The following TCHP variants were observed in gnomAD, a reference collection of about 807,000 sequenced individuals.
TCHP encodes trichoplein keratin filament-binding protein.
In TCHP, 81 loss-of-function variants were observed where a neutral mutation model predicts 88.7. The observed-to-expected ratio is 0.91, with a 90% CI of 0.76 to 1.10. The LOEUF is 1.10. Ranked by LOEUF, TCHP falls within the 50% of genes least tolerant of loss-of-function variation. The pLI, the probability that TCHP is intolerant of heterozygous loss-of-function variation, is 0.00. For missense variants in TCHP, 641 were observed against 632.1 expected (o/e 1.01, Z -0.15); for synonymous variants, 232 against 232.5 (o/e 1.00, Z 0.02).
the TCHP span, among the ~76,000 whole-genome samples, chr12:109,893,072 C>A: frequency 6.6e-6 from 1 of 152,108 alleles, no homozygotes; most frequent in Admixed American, 6.6e-5. Flanking sequence ...CAAGCTGGAA[C>A]CTGTGGTCTT....
intron 8 of TCHP, 123 bp from the exon 9 acceptor site, chr12:109,910,940 G>C: frequency 2.2e-6 from 3 of 1,357,240 alleles, no homozygotes; most frequent in Non-Finnish European, 2.9e-6. Context: ...TCTGTCTTGA[G>C]AACACTGTGT....
chr12:109,904,803 A>G lies in TCHP; in HGVS notation c.456+10A>G, dbSNP rs769421994. 2 of 1,611,372 alleles carry G rather than the reference A, an allele frequency of 1.2e-6. No homozygotes were observed. Among genetic ancestry groups the G allele is most frequent in the Admixed American group, 1.7e-5 (1 of 59,546 alleles). ...CCCGAAACTTCGAGAGGTGAAAATC[A>G]GAGATCTCCATTGATTTATCTAAGT... On this transcript the variant is annotated intron_variant, in intron 4 of 12. Coordinates refer to ENST00000405876, the MANE Select transcript of TCHP (RefSeq NM_001143852.2).
chr12:109,891,741 G>A, the TCHP span, among the ~76,000 whole-genome samples: 1 of 150,652 alleles, frequency 6.6e-6, no homozygotes. Flanking sequence ...TTTTGCTCTT[G>A]TCGCCCAGGC....
intron 5 of TCHP, 55 bp from the exon 6 acceptor site, chr12:109,907,471 G>GT: frequency 6.4e-7 from 1 of 1,569,766 alleles, no homozygotes; most frequent in Admixed American, 1.8e-5. Flanking sequence ...AGGAAGCTAG[G>GT]TTTTTGTTGG....
chr12:109,908,734 G>A (rs766921257), intron 7 of TCHP, 36 bp downstream of exon 7: 32 of 1,565,672 alleles, frequency 2.0e-5, no homozygotes, highest in East Asian at 4.5e-5. Flanking sequence ...CTTCCCAGGC[G>A]GGTGGGCCTC....
chr12:109,900,215 A>G (rs929500874), upstream of TCHP: 2 of 152,252 alleles, frequency 1.3e-5, no homozygotes, highest in Non-Finnish European at 2.9e-5. Context: ...ACGACGGGGC[A>G]CCAGAGAAAA....
At chr12:109,889,771 C>T in the TCHP span, among the ~76,000 whole-genome samples, 1 of 152,184 alleles carries the variant, frequency 6.6e-6, no homozygotes, top group African/African-American at 2.4e-5. Flanking sequence ...GTTATTTCTA[C>T]CCAGGACTGG....
chr12:109,900,478 CAGGCGGCCCGCGCGG>C (rs1353538462), intron 1 of TCHP, 52 bp downstream of exon 1: 1 of 152,258 alleles, frequency 6.6e-6, no homozygotes, highest in Non-Finnish European at 1.5e-5. Flanking sequence ...CGGGGGCCCG[CAGGCGGCCCGCGCGG>C]GCGGGAACCG....
upstream of TCHP, among the ~76,000 whole-genome samples, chr12:109,896,271 T>C (rs1038421981): frequency 6.6e-6 from 1 of 152,216 alleles, no homozygotes; most frequent in African/African-American, 2.4e-5. Flanking sequence ...AGAGCTACAC[T>C]TGCAAGCCAC....
chr12:109,912,317 T>C (rs1298734174), intron 9 of TCHP, among the ~76,000 whole-genome samples: 1 of 152,024 alleles, frequency 6.6e-6, no homozygotes, highest in Non-Finnish European at 1.5e-5. Flanking sequence ...CTTGAAGAGG[T>C]CACTCCGTCC....
In TCHP at chr12:109,906,888, G is replaced by A. The variant is rs570818438; in HGVS notation, c.525+248G>A. ...CTGGGAGGTGGCACATACAGCACGC[G>A]TCTTCTTTTTTTCTTTTGGAGGCAG... On this transcript the variant is annotated intron_variant, in intron 5 of 12. Transcript: ENST00000405876. Among the ~76,000 whole-genome samples, 5 of 152,200 alleles carry A rather than the reference G, an allele frequency of 3.3e-5. No homozygotes were observed. In the South Asian group the frequency reaches 6.2e-4, roughly 19 times the overall value.
chr12:109,883,842 C>T, the TCHP span, among the ~76,000 whole-genome samples: 2 of 152,204 alleles, frequency 1.3e-5, no homozygotes, highest in African/African-American at 2.4e-5. Flanking sequence ...CTTGAAAGTT[C>T]ATCCATCCAT....
At position 109,917,746 on chromosome 12, in the gene TCHP, C is replaced by G. The variant is rs1870894500; in HGVS notation, c.*1123C>G. On this transcript the variant is annotated 3_prime_UTR_variant, in exon 13 of 13. Coordinates refer to ENST00000405876, the MANE Select transcript of TCHP (RefSeq NM_001143852.2). ...TTATGACTTGTATTTTTACTATACC[C>G]TTCCTCTGAGGTTTAGTTTTCATCA... 6.6e-6 allele frequency: 1 copy of G among 152,612 alleles called. No individual in the cohort carries two copies. The highest frequency in any genetic ancestry group is 1.5e-5 in the Non-Finnish European group (1 of 68,042). 9.5% of individuals were successfully genotyped at this position (152,612 alleles called of 1,614,324 possible).
rs747480930 is a variant in TCHP, at chr12:109,903,886, G to A, written c.189-51G>A. Reference sequence around the variant, plus strand: ...TTACCGACACAGCAGAGCAGAGCACGTTCCCTGTGGCTGTAGCATGATTGA... The same window carrying A: ...TTACCGACACAGCAGAGCAGAGCACATTCCCTGTGGCTGTAGCATGATTGA... On this transcript the variant is annotated intron_variant, in intron 2 of 12. Transcript: ENST00000405876. The surrounding 1 kb of genome is among the most constrained non-coding windows in gnomAD (Gnocchi z 4.6). 2.0e-6 allele frequency: 3 copies of A among 1,470,986 alleles called. No individual in the cohort carries two copies. Among genetic ancestry groups the A allele is most frequent in the Non-Finnish European group, 1.9e-6 (2 of 1,071,630 alleles). 91.1% of individuals were successfully genotyped at this position (1,470,986 alleles called of 1,614,324 possible).
At chr12:109,883,109 C>T in the TCHP span, among the ~76,000 whole-genome samples, 1 of 151,366 alleles carries the variant, frequency 6.6e-6, no homozygotes, top group African/African-American at 2.4e-5. Flanking sequence ...TCACAGCTCC[C>T]TGCAGCCTCA....
At chr12:109,887,061 T>G in the TCHP span, among the ~76,000 whole-genome samples, 1 of 152,208 alleles carries the variant, frequency 6.6e-6, no homozygotes, top group Non-Finnish European at 1.5e-5. Context: ...CTCAGTTTTA[T>G]ATGCACACAT....
chr12:109,901,863 C>T (rs1392497388), intron 1 of TCHP, among the ~76,000 whole-genome samples: 1 of 152,212 alleles, frequency 6.6e-6, no homozygotes, highest in African/African-American at 2.4e-5. Flanking sequence ...TGGGCACTGG[C>T]TAAATAAAGG....
upstream of TCHP, among the ~76,000 whole-genome samples, chr12:109,897,162 G>C (rs927018360): frequency 6.6e-6 from 1 of 152,172 alleles, no homozygotes; most frequent in South Asian, 2.1e-4. Context: ...ATTCTAACAT[G>C]GGGGCAATAA....
At position 109,917,150 on chromosome 12, in the gene TCHP, A is replaced by C. The variant is rs1291846173; in HGVS notation, c.*527A>C. On this transcript the variant is annotated 3_prime_UTR_variant, in exon 13 of 13. Transcript: ENST00000405876. ...TATTACATCTTTTATATTCTGGAAG[A>C]AAAGAACTGTGAACAAATTAGAACC... The C allele has an allele frequency of 6.6e-6, 1 of 152,348 alleles. No homozygotes were observed. The highest frequency in any genetic ancestry group is 1.5e-5 in the Non-Finnish European group (1 of 68,138). The allele number at this position is 152,348 out of a possible 1,614,324, so 9.4% of individuals were successfully genotyped here.
Sources: gnomAD v4.1 joint callset for allele counts (sites outside exome capture counted in the v4.1 genomes callset) on GRCh38, gnomAD v4.1.1 for gene constraint, Gnocchi (gnomAD v3.1) non-coding constraint, MANE v1.5 for transcripts, NCBI Gene and HGNC (gene_info 2026-07-23, HGNC 2026-07-21) for gene names.